RYR1: variants seen among roughly 807,000 people sequenced by gnomAD.
The protein encoded by RYR1 is central core disease of muscle.
In RYR1, 342 loss-of-function variants were observed where a neutral mutation model predicts 583.5. The ratio of observed to expected loss-of-function variants is 0.59; its 90% confidence interval spans 0.54 to 0.64. The LOEUF (loss-of-function observed/expected upper bound fraction) is 0.64, where lower values mean the gene tolerates loss of function less well. Among genes scored for constraint, RYR1 ranks in the 30% least tolerant of loss-of-function variants. RYR1 has a pLI of 0.00. For missense variants in RYR1, 6,032 were observed against 6,917.2 expected (o/e 0.87, Z 4.54); for synonymous variants, 2,791 against 2,822.5 (o/e 0.99, Z 0.35).
At position 38,473,527 on chromosome 19, in the gene RYR1, G is replaced by T; in HGVS notation, c.3916G>T (p.Ala1306Ser). The T allele has an allele frequency of 6.2e-7, 1 of 1,611,464 alleles. No individual in the cohort carries two copies. Among genetic ancestry groups the T allele is most frequent in the Non-Finnish European group, 8.5e-7 (1 of 1,179,186 alleles). Reference sequence around the variant, plus strand: ...CCAGCACTTCCGCTGCACTGCAGGGGCCACCCCGCTGGCACCTCCTGGCCT... The same window carrying T: ...CCAGCACTTCCGCTGCACTGCAGGGTCCACCCCGCTGGCACCTCCTGGCCT... ...FHQHFRCTAGATPLAPPGLQP... is the reference protein window; with the variant it reads ...FHQHFRCTAGSTPLAPPGLQP... Residue 1306 changes from alanine to serine, a missense_variant, in exon 28 of 106, where the codon GCC becomes TCC. Physicochemically the swap from Ala to Ser is moderately conservative, Grantham distance 99 (BLOSUM62 1). This residue lies in a region of RYR1 where 2,627 missense variants were observed against 2,961.3 expected (regional missense o/e 0.89). Coordinates refer to ENST00000359596, the MANE Select transcript of RYR1 (RefSeq NM_000540.3).
At chr19:38,579,910 G>A in intron 99 of RYR1, 72 bp from the exon 100 acceptor site, 2 of 1,602,976 alleles carry the variant, frequency 1.2e-6, no homozygotes, top group Non-Finnish European at 1.7e-6. Flanking sequence ...ACTCTCGAGT[G>A]GCCCCTACCC....
intron 47 of RYR1, 120 bp from the exon 48 acceptor site, chr19:38,502,387 G>T (rs1261672488): frequency 1.1e-6 from 1 of 898,454 alleles, no homozygotes; most frequent in Non-Finnish European, 1.8e-6. Context: ...GAGATTGGGA[G>T]GAGCAGGTTT....
intron 42 of RYR1, among the ~76,000 whole-genome samples, chr19:38,497,198 C>T (rs756839610): frequency 6.7e-5 from 10 of 149,116 alleles, no homozygotes; most frequent in African/African-American, 2.5e-4. Flanking sequence ...CCACAGTCTA[C>T]GCTTCCGGGA....
intron 87 of RYR1, among the ~76,000 whole-genome samples, chr19:38,545,984 G>A (rs1972405579): frequency 6.6e-6 from 1 of 152,124 alleles, no homozygotes; most frequent in African/African-American, 2.4e-5. Context: ...GAAAGCACAT[G>A]GCTGTCTCTG....
intron 27 of RYR1, among the ~76,000 whole-genome samples, chr19:38,473,125 T>C (rs144476355): frequency 3.8e-4 from 58 of 151,894 alleles, no homozygotes; most frequent in African/African-American, 1.4e-3. Flanking sequence ...CCCCAAGTGA[T>C]TCCAGTGTGT....
intron 20 of RYR1, among the ~76,000 whole-genome samples, chr19:38,460,942 G>A (rs1199860878): frequency 6.6e-6 from 1 of 152,132 alleles, no homozygotes; most frequent in African/African-American, 2.4e-5. Context: ...CTGAGGTCAC[G>A]CCATTGTACT....
chr19:38,448,562 C>G, intron 10 of RYR1, 51 bp downstream of exon 10: 1 of 1,614,114 alleles, frequency 6.2e-7, no homozygotes, highest in Non-Finnish European at 8.5e-7. Flanking sequence ...CAGTCCCAGC[C>G]CAGCCTGCAC....
At chr19:38,571,348 A>G (rs542736275) in intron 94 of RYR1, among the ~76,000 whole-genome samples, 2 of 152,326 alleles carry the variant, frequency 1.3e-5, no homozygotes, top group South Asian at 2.1e-4. Flanking sequence ...GAAAGAGGAT[A>G]AGGCACCAGG....
chr19:38,460,774 T>C (rs938037171), intron 20 of RYR1, among the ~76,000 whole-genome samples, 183 bp downstream of exon 20: 3 of 152,088 alleles, frequency 2.0e-5, no homozygotes, highest in African/African-American at 7.2e-5. Flanking sequence ...GGTCAGGAGT[T>C]CAAGACCAGC....
In RYR1 at chr19:38,534,748, T is replaced by C. The variant is rs759801386; in HGVS notation, c.11288T>C (p.Leu3763Ser). 1 of 1,614,040 alleles carries C rather than the reference T, an allele frequency of 6.2e-7. No homozygotes were observed. Among genetic ancestry groups the C allele is most frequent in the Non-Finnish European group, 8.5e-7 (1 of 1,179,990 alleles). Residue 3763 changes from leucine to serine, a missense_variant, in exon 79 of 106, where the codon TTG becomes TCG. Around this residue, in one of 11 missense-constraint regions of RYR1, gnomAD observed 1,493 missense variants for 1,715.5 expected, o/e 0.87. Transcript: ENST00000359596. The part of the protein sequence containing the change: ...EEKQMEKQRL[L>S]YQQARLHTRG... The stretch of plus-strand genomic sequence containing the variant: ...AAACAGATGGAGAAGCAGAGGCTCT[T>C]GTACCAGCAAGCACGGCTGCACACC...
intron 89 of RYR1, among the ~76,000 whole-genome samples, chr19:38,554,789 T>A (rs1464261991): frequency 1.3e-5 from 2 of 152,146 alleles, no homozygotes; most frequent in African/African-American, 2.4e-5. Flanking sequence ...ACATTTTAGG[T>A]TACTGATTTA....
rs1343015782 is a variant in RYR1, at chr19:38,489,365, GGCA to G, written c.5741_5743del (p.Ala1914del). 2.5e-6 allele frequency: 4 copies of G among 1,613,416 alleles called. No individual in the cohort carries two copies. Among genetic ancestry groups the G allele is most frequent in the Non-Finnish European group, 3.4e-6 (4 of 1,179,520 alleles). Reference sequence around the variant, plus strand: ...AAGATGAGGAAAAAGAGGAAGAGGAGGCAGCAGAAGGGGAGAAAGAAGAAGGCT... The same window carrying G: ...AAGATGAGGAAAAAGAGGAAGAGGAGGCAGAAGGGGAGAAAGAAGAAGGCT... On this transcript the variant is annotated inframe_deletion, in exon 35 of 106. Transcript: ENST00000359596.
At chr19:38,530,953 C>G (rs1008360005) in intron 76 of RYR1, among the ~76,000 whole-genome samples, 13 of 151,724 alleles carry the variant, frequency 8.6e-5, no homozygotes, top group Non-Finnish European at 1.6e-4. Flanking sequence ...CAGGTGCATG[C>G]CACCATGCCC....
intron 34 of RYR1, among the ~76,000 whole-genome samples, chr19:38,486,880 C>A (rs938446946): frequency 1.3e-5 from 2 of 152,098 alleles, no homozygotes; most frequent in African/African-American, 4.8e-5. Context: ...AAGATCTTTC[C>A]ATCAACATCT....
Position 38,535,351 on chromosome 19 carries a change from T to A in RYR1, c.11475T>A (p.Val3825=). ...ATTATCTTAAGGACAAGAAGGAAGT[T>A]GGCTTCTTCCAGAGTATCCAGGCAC... is the stretch of plus-strand genomic sequence containing the variant. The part of the protein sequence containing the change: ...MLDYLKDKKE[V]GFFQSIQALM... Residue 3825 remains valine (V), a synonymous_variant, in exon 81 of 106, where the codon GTT becomes GTA. Transcript: ENST00000359596. 1 of 1,614,192 alleles carries A rather than the reference T, an allele frequency of 6.2e-7. No homozygotes were observed.
chr19:38,436,583 C>T (rs1972438498), intron 1 of RYR1, among the ~76,000 whole-genome samples: 1 of 152,082 alleles, frequency 6.6e-6, no homozygotes, highest in Non-Finnish European at 1.5e-5. Flanking sequence ...CTTTTTGTTG[C>T]CGAATATTAT....
rs1973119741 is a variant in RYR1, at chr19:38,561,203, G to A, written c.12373G>A (p.Glu4125Lys). 6 of 1,614,152 alleles carry A rather than the reference G, an allele frequency of 3.7e-6. No individual in the cohort carries two copies. The highest frequency in any genetic ancestry group is 5.1e-6 in the Non-Finnish European group (6 of 1,180,026). The change falls in exon 90 of 106, where the codon GAA (glutamate) becomes AAA (lysine). Residue 4125 changes from glutamate to lysine, a missense_variant. By Grantham distance (56) the Glu-to-Lys change is moderately conservative. This residue lies in a region of RYR1 where 753 missense variants were observed against 759.6 expected (regional missense o/e 0.99). Transcript: ENST00000359596. This position sits in a 1 kb window ranked among gnomAD's most constrained non-coding sequence, Gnocchi z 4.8. Reference protein sequence around the residue: ...EADENEMINCEEFANRFQEPA... With the variant: ...EADENEMINCKEFANRFQEPA... ...GGATGAGAACGAAATGATCAACTGCGAAGAGTTCGCCAACCGCTTCCAGGA... is the reference window on the plus strand; with the variant it reads ...GGATGAGAACGAAATGATCAACTGCAAAGAGTTCGCCAACCGCTTCCAGGA...
intron 67 of RYR1, among the ~76,000 whole-genome samples, chr19:38,522,525 A>T (rs1971267736): frequency 6.6e-6 from 1 of 152,014 alleles, no homozygotes; most frequent in African/African-American, 2.4e-5. Context: ...AAGTGGGAGG[A>T]TCACTTAAGC....
chr19:38,560,269 A>C (rs1192164746), intron 89 of RYR1, among the ~76,000 whole-genome samples: 1 of 152,140 alleles, frequency 6.6e-6, no homozygotes, highest in Non-Finnish European at 1.5e-5. Context: ...AGGCTGAAGC[A>C]CGAGACTCAT....
Sources: allele counts gnomAD v4.1 joint callset (sites outside exome capture counted in the v4.1 genomes callset), GRCh38; gene constraint gnomAD v4.1.1; regional missense constraint gnomAD v4.1.1; non-coding constraint Gnocchi (gnomAD v3.1); transcripts MANE v1.5; gene names NCBI Gene and HGNC (gene_info 2026-07-23, HGNC 2026-07-21).